The following TENM4 variants were observed in gnomAD, a reference collection of about 807,000 sequenced individuals.
The protein encoded by TENM4 is teneurin-4.
In TENM4, 82 loss-of-function variants were observed where a neutral mutation model predicts 243.3. The observed-to-expected ratio is 0.34, with a 90% CI of 0.28 to 0.40. The LOEUF (loss-of-function observed/expected upper bound fraction) is 0.40, where lower values mean the gene tolerates loss of function less well. Ranked by LOEUF, TENM4 falls within the 10% of genes least tolerant of loss-of-function variation. TENM4 has a pLI of 1.00. For missense variants in TENM4, 3,138 were observed against 3,673.3 expected, an observed-to-expected ratio of 0.85 and a Z score of 3.77; for synonymous variants, 1,412 against 1,456.3, an observed-to-expected ratio of 0.97 and a Z score of 0.69.
chr11:79,331,222 A>T (rs927566889), intron 1 of TENM4, among the ~76,000 whole-genome samples: 5 of 151,978 alleles, frequency 3.3e-5, no homozygotes, highest in Non-Finnish European at 5.9e-5. Context: ...TCCCTGACTG[A>T]TAAGTGGACT....
chr11:79,415,393 C>T (rs1017124164), intron 1 of TENM4, among the ~76,000 whole-genome samples: 5 of 152,218 alleles, frequency 3.3e-5, no homozygotes, highest in Middle Eastern at 3.4e-3. Flanking sequence ...TTAAGTATTC[C>T]GCATACCTGA....
chr11:79,337,016 T>C (rs554074201), intron 1 of TENM4, among the ~76,000 whole-genome samples: 1 of 152,294 alleles, frequency 6.6e-6, no homozygotes, highest in African/African-American at 2.4e-5. Context: ...GGAAATGCAA[T>C]AGCCGAGGGG....
chr11:79,223,819 C>A (rs1305959359), intron 2 of TENM4, among the ~76,000 whole-genome samples: 1 of 152,150 alleles, frequency 6.6e-6, no homozygotes, highest in Non-Finnish European at 1.5e-5. Flanking sequence ...TCCTGGGAAC[C>A]CTTTTTCCCA....
intron 29 of TENM4, among the ~76,000 whole-genome samples, chr11:78,687,385 C>T (rs1858711149): frequency 6.6e-6 from 1 of 152,202 alleles, no homozygotes; most frequent in Non-Finnish European, 1.5e-5. Context: ...TACAAAGAGC[C>T]ATCCAGCGGG....
chr11:78,770,497 A>C (rs1856624391), intron 18 of TENM4, among the ~76,000 whole-genome samples: 2 of 152,224 alleles, frequency 1.3e-5, no homozygotes, highest in African/African-American at 4.8e-5. Flanking sequence ...CCCAAAGCAA[A>C]GGCCATTTCT....
At position 78,712,533 on chromosome 11, in the gene TENM4, G is replaced by C. The variant is rs1277524987; in HGVS notation, c.4003C>G (p.Arg1335Gly). 1.2e-6 allele frequency: 2 copies of C among 1,613,844 alleles called. No individual in the cohort carries two copies. Among genetic ancestry groups the C allele is most frequent in the Non-Finnish European group, 1.7e-6 (2 of 1,179,898 alleles). The change falls in exon 26 of 34, where the codon CGC becomes GGC. Residue 1335 changes from arginine to glycine, a missense_variant. Coordinates refer to ENST00000278550, the MANE Select transcript of TENM4 (RefSeq NM_001098816.3). Reference protein sequence around the residue: ...GDQCLPFDDTRCGDGGKATEA... With the variant: ...GDQCLPFDDTGCGDGGKATEA... ...GTGGCCTTCCCACCATCCCCGCAGC[G>C]AGTGTCATCAAAGGGGAGGCACTGG...
At chr11:79,349,973 A>G (rs1307040395) in intron 1 of TENM4, among the ~76,000 whole-genome samples, 1 of 152,260 alleles carries the variant, frequency 6.6e-6, no homozygotes, top group Middle Eastern at 3.4e-3. Flanking sequence ...CGTGGAGATC[A>G]AGTTCTCGTG....
At chr11:78,849,527 C>T (rs907855096) in intron 12 of TENM4, among the ~76,000 whole-genome samples, 1 of 152,058 alleles carries the variant, frequency 6.6e-6, no homozygotes, top group Non-Finnish European at 1.5e-5. Context: ...GATTAAATAA[C>T]ATAAAAAAGA....
rs929487643 is a variant in TENM4, at chr11:78,655,381, T to C, written c.*2677A>G. 11 of 151,842 alleles carry C rather than the reference T, an allele frequency of 7.2e-5. No homozygotes were observed. The highest frequency in any genetic ancestry group is 2.7e-4 in the African/African-American group (11 of 41,314). The allele number at this position is 151,842 out of a possible 1,614,324, so 9.4% of individuals were successfully genotyped here. ...AGCACAGGAAAAATATAAGATCCTT[T>C]AAAGAAACAAACACTCAGTCCAGGC... On this transcript the variant is annotated 3_prime_UTR_variant, in exon 34 of 34. Coordinates refer to ENST00000278550, the MANE Select transcript of TENM4 (RefSeq NM_001098816.3).
At chr11:78,670,628 A>C (rs1209501451) in intron 31 of TENM4, 77 bp from the exon 32 acceptor site, 1 of 1,389,252 alleles carries the variant, frequency 7.2e-7, no homozygotes, top group African/African-American at 1.4e-5. Context: ...CGAGACTTAA[A>C]GGGACGGAAT....
chr11:78,797,262 ATGTATT>A (rs1370618428), intron 15 of TENM4, among the ~76,000 whole-genome samples: 1 of 152,216 alleles, frequency 6.6e-6, no homozygotes, highest in Non-Finnish European at 1.5e-5. Context: ...TCAGAGGTTA[ATGTATT>A]TGCTGTTTGA....
At chr11:79,230,282 C>T (rs1389033928) in intron 2 of TENM4, among the ~76,000 whole-genome samples, 20 of 152,156 alleles carry the variant, frequency 1.3e-4, no homozygotes, top group Admixed American at 1.3e-3. Flanking sequence ...CTCCATGTGG[C>T]TGGAAGAGAC....
intron 4 of TENM4, among the ~76,000 whole-genome samples, chr11:79,114,643 T>C (rs1861580553): frequency 6.6e-6 from 1 of 152,272 alleles, no homozygotes; most frequent in Non-Finnish European, 1.5e-5. Context: ...TTGAATGCTC[T>C]GCCATGACTG....
At chr11:78,685,643 A>C (rs1453958793) in intron 29 of TENM4, among the ~76,000 whole-genome samples, 4 of 152,328 alleles carry the variant, frequency 2.6e-5, no homozygotes, top group Middle Eastern at 6.8e-3. Flanking sequence ...AAGTTGCCCA[A>C]ATATAAGAAA....
intron 6 of TENM4, among the ~76,000 whole-genome samples, chr11:79,027,504 C>T (rs1859111307): frequency 6.6e-6 from 1 of 152,240 alleles, no homozygotes; most frequent in African/African-American, 2.4e-5. Flanking sequence ...CCCTAGCAGA[C>T]CATCCTTTGT....
At chr11:78,994,784 T>C (rs951564213) in intron 6 of TENM4, among the ~76,000 whole-genome samples, 6 of 152,214 alleles carry the variant, frequency 3.9e-5, no homozygotes, top group Admixed American at 1.3e-4. Context: ...TGTTTTGTGT[T>C]AGGCACAGGG....
chr11:79,339,261 T>A (rs1013206361), intron 1 of TENM4, among the ~76,000 whole-genome samples: 1 of 152,170 alleles, frequency 6.6e-6, no homozygotes, highest in Non-Finnish European at 1.5e-5. Flanking sequence ...ACAAATCACT[T>A]GAATTCTGTG....
intron 28 of TENM4, among the ~76,000 whole-genome samples, chr11:78,691,488 T>C (rs910819433): frequency 6.6e-6 from 1 of 152,216 alleles, no homozygotes; most frequent in Non-Finnish European, 1.5e-5. Context: ...AGGTACATGA[T>C]AAACACTTGC....
chr11:79,438,209 C>T lies in TENM4; in HGVS notation c.-321+2300G>A, dbSNP rs531358325. Among the ~76,000 whole-genome samples, 1 of 152,244 alleles carries T rather than the reference C, an allele frequency of 6.6e-6. No individual in the cohort carries two copies. The highest frequency in any genetic ancestry group is 2.4e-5 in the African/African-American group (1 of 41,556). ...ATGTGTCCCAGACTTCAGCGTTCCC[C>T]ACGGCTGTGTCAGGGCTGGGGTGGC... On this transcript the variant is annotated intron_variant, in intron 1 of 33. Transcript: ENST00000278550. This position sits in a 1 kb window ranked among gnomAD's most constrained non-coding sequence, Gnocchi z 4.1.
Sources: gnomAD v4.1 joint callset for allele counts (sites outside exome capture counted in the v4.1 genomes callset) on GRCh38, gnomAD v4.1.1 for gene constraint, Gnocchi (gnomAD v3.1) non-coding constraint, MANE v1.5 for transcripts, NCBI Gene and HGNC (gene_info 2026-07-23, HGNC 2026-07-21) for gene names.